KITLG: variants seen among roughly 807,000 people sequenced by gnomAD.
KITLG encodes KIT ligand.
Under a neutral mutation model 34.1 loss-of-function variants are expected in KITLG, and 13 were observed. That is an observed-to-expected ratio of 0.38 (90% CI 0.25 to 0.61). The LOEUF is 0.61. Among genes scored for constraint, KITLG ranks in the 20% least tolerant of loss-of-function variants. The pLI is 0.60. For synonymous variants in KITLG, 110 were observed against 104.0 expected, an observed-to-expected ratio of 1.06 and a Z score of -0.35; for missense variants, 292 against 318.9, an observed-to-expected ratio of 0.92 and a Z score of 0.64.
At chr12:88,567,862 A>G (rs1275212190) in intron 1 of KITLG, among the ~76,000 whole-genome samples, 1 of 152,208 alleles carries the variant, frequency 6.6e-6, no homozygotes, top group Non-Finnish European at 1.5e-5. Context: ...TTATCCGAAG[A>G]ATCAAGTGAC....
chr12:88,544,546 C>T (rs1191069340), intron 2 of KITLG, among the ~76,000 whole-genome samples: 1 of 151,834 alleles, frequency 6.6e-6, no homozygotes, highest in African/African-American at 2.4e-5. Context: ...CACCCCCATC[C>T]CTATACACAA....
chr12:88,497,258 A>G, intron 9 of KITLG, 77 bp from the exon 10 acceptor site: 1 of 326,804 alleles, frequency 3.1e-6, no homozygotes. Flanking sequence ...AGCCGAAATC[A>G]TATATGACCA....
At chr12:88,502,890 A>T (rs1388436235) in intron 9 of KITLG, among the ~76,000 whole-genome samples, 1 of 107,900 alleles carries the variant, frequency 9.3e-6, no homozygotes, top group Non-Finnish European at 1.9e-5. Flanking sequence ...ATGGCTGTCA[A>T]GAAGAAGAAA....
chr12:88,517,937 T>G (rs1869512989), intron 4 of KITLG, among the ~76,000 whole-genome samples: 1 of 152,122 alleles, frequency 6.6e-6, no homozygotes, highest in African/African-American at 2.4e-5. Context: ...CTTTGGCCAT[T>G]TGAACTGTAT....
At chr12:88,539,266 A>T (rs867276666) in intron 2 of KITLG, among the ~76,000 whole-genome samples, 1 of 152,120 alleles carries the variant, frequency 6.6e-6, no homozygotes, top group Non-Finnish European at 1.5e-5. Context: ...CCCAAGTCCA[A>T]GGCAGGAATC....
intron 3 of KITLG, among the ~76,000 whole-genome samples, chr12:88,532,003 AC>A (rs973869439): frequency 5.3e-5 from 8 of 152,108 alleles, no homozygotes; most frequent in African/African-American, 1.2e-4. Flanking sequence ...CTCCTGGAAC[AC>A]ACAGGAGTTC....
At chr12:88,516,600 C>G (rs1260843750) in intron 4 of KITLG, 110 bp from the exon 5 acceptor site, 5 of 680,746 alleles carry the variant, frequency 7.3e-6, no homozygotes, top group Middle Eastern at 4.3e-4. Flanking sequence ...TAGACTCTTA[C>G]AACTAGCACT....
intron 1 of KITLG, among the ~76,000 whole-genome samples, chr12:88,556,296 G>T (rs116461660): frequency 0.027 from 3,983 of 150,198 alleles, 83 homozygotes; most frequent in Admixed American, 0.034. Flanking sequence ...CATTTTAAAA[G>T]CACTGGGGAG....
chr12:88,569,060 T>A (rs1871554171), intron 1 of KITLG, among the ~76,000 whole-genome samples: 1 of 152,180 alleles, frequency 6.6e-6, no homozygotes, highest in South Asian at 2.1e-4. Context: ...CTATGGATGC[T>A]GAAAATGACT....
chr12:88,498,669 G>A (rs1213523316), intron 9 of KITLG, among the ~76,000 whole-genome samples: 1 of 152,172 alleles, frequency 6.6e-6, no homozygotes, highest in Non-Finnish European at 1.5e-5. Flanking sequence ...GAAGTCAGGA[G>A]TTTGAGACCA....
chr12:88,528,846 A>G (rs1329527093), intron 3 of KITLG, among the ~76,000 whole-genome samples: 1 of 152,222 alleles, frequency 6.6e-6, no homozygotes, highest in East Asian at 1.9e-4. Context: ...GTTTTTGTAA[A>G]TTTAAAATTA....
intron 1 of KITLG, among the ~76,000 whole-genome samples, chr12:88,570,352 T>C (rs998385497): frequency 2.0e-5 from 3 of 152,152 alleles, no homozygotes; most frequent in African/African-American, 7.2e-5. Flanking sequence ...CCAGGCTCCC[T>C]GACCTGTGGG....
intron 3 of KITLG, among the ~76,000 whole-genome samples, chr12:88,521,004 G>A (rs1869636160): frequency 6.6e-6 from 1 of 152,052 alleles, no homozygotes; most frequent in Admixed American, 6.6e-5. Flanking sequence ...ACAATTTGTT[G>A]ATAGTTGATA....
chr12:88,515,404 A>G (rs755460769), intron 6 of KITLG, 130 bp downstream of exon 6: 4 of 636,904 alleles, frequency 6.3e-6, no homozygotes, highest in African/African-American at 3.6e-5. Context: ...CAAGAAGACC[A>G]TAAAAGGAAT....
chr12:88,552,155 T>C (rs1362135620), intron 1 of KITLG, among the ~76,000 whole-genome samples: 1 of 151,882 alleles, frequency 6.6e-6, no homozygotes, highest in Non-Finnish European at 1.5e-5. Context: ...TTTTGAACAT[T>C]TGATCTTCAA....
chr12:88,516,694 C>T (rs1039249889), intron 4 of KITLG, among the ~76,000 whole-genome samples: 1 of 151,474 alleles, frequency 6.6e-6, no homozygotes, highest in Non-Finnish European at 1.5e-5. Flanking sequence ...GAATCTGGGG[C>T]AGTGAACACA....
At chr12:88,532,531 A>G in intron 2 of KITLG, 28 bp from the exon 3 acceptor site, 2 of 1,503,724 alleles carry the variant, frequency 1.3e-6, no homozygotes, top group South Asian at 1.2e-5. Flanking sequence ...AAAATTCCAT[A>G]AGAAAATTCT....
intron 1 of KITLG, among the ~76,000 whole-genome samples, chr12:88,557,462 C>T (rs970625601): frequency 6.6e-6 from 1 of 152,082 alleles, no homozygotes; most frequent in Non-Finnish European, 1.5e-5. Flanking sequence ...GGAAAAAAAT[C>T]CCCTACACAG....
rs1185211909 is a variant in KITLG at position 88,494,030 on chromosome 12, T to C, written c.*3189A>G. 1 of 151,848 alleles carries C rather than the reference T, an allele frequency of 6.6e-6. No homozygotes were observed. The highest frequency in any genetic ancestry group is 1.5e-5 in the Non-Finnish European group (1 of 67,840). The allele number at this position is 151,848 out of a possible 1,614,324, so 9.4% of individuals were successfully genotyped here. On this transcript the variant is annotated 3_prime_UTR_variant, in exon 10 of 10. Transcript: ENST00000644744. ...TTTGTATGGGTTAGTTTCAATGCTA[T>C]TTTGTCTTCTTTGTCGGTCATATTG... is the stretch of plus-strand genomic sequence containing the variant.
Sources: allele counts gnomAD v4.1 joint callset (sites outside exome capture counted in the v4.1 genomes callset), GRCh38; gene constraint gnomAD v4.1.1; transcripts MANE v1.5; gene names NCBI Gene and HGNC (gene_info 2026-07-23, HGNC 2026-07-21).